SETD2: variants seen among roughly 807,000 people sequenced by gnomAD.
SETD2 encodes the protein SET domain containing 2, histone lysine methyltransferase, also known as histone-lysine N-methyltransferase SETD2.
SETD2 carries 31 observed loss-of-function variants against 242.1 expected under a neutral mutation model. The ratio of observed to expected loss-of-function variants is 0.13; its 90% confidence interval spans 0.10 to 0.17. SETD2 has a LOEUF of 0.17. Ranked by LOEUF, SETD2 falls within the 10% of genes least tolerant of loss-of-function variation. The pLI is 1.00. For synonymous variants in SETD2, 1,006 were observed against 1,066.5 expected (o/e 0.94, Z 1.11); for missense variants, 2,481 against 3,046.3 (o/e 0.81, Z 4.37).
chr3:47,155,795 GACCCTGTCTCAC>G (rs2044113051), intron 1 of SETD2, among the ~76,000 whole-genome samples: 2 of 152,152 alleles, frequency 1.3e-5, no homozygotes, highest in Non-Finnish European at 2.9e-5. Flanking sequence ...GACAGAGTGA[GACCCTGTCTCAC>G]ACACACATAA....
intron 18 of SETD2, chr3:47,028,953 G>T: frequency 5.0e-6 from 1 of 200,330 alleles, no homozygotes; most frequent in South Asian, 8.4e-5. Context: ...CATGAAGACA[G>T]CCAACACTTC....
chr3:47,125,693 G>C (rs2043304208), intron 2 of SETD2, among the ~76,000 whole-genome samples: 1 of 152,208 alleles, frequency 6.6e-6, no homozygotes, highest in Non-Finnish European at 1.5e-5. Context: ...ATAAGCAACA[G>C]TTACAAAGTA....
chr3:47,155,078 G>C (rs185254826), intron 1 of SETD2, among the ~76,000 whole-genome samples: 35 of 151,816 alleles, frequency 2.3e-4, no homozygotes, highest in Admixed American at 2.3e-3. Flanking sequence ...TAGTAATAAA[G>C]TACTTCCAAA....
At chr3:47,092,589 C>T in intron 9 of SETD2, among the ~76,000 whole-genome samples, 1 of 150,144 alleles carries the variant, frequency 6.7e-6, no homozygotes, top group East Asian at 1.9e-4. Flanking sequence ...CATATATATG[C>T]ACAATTCTAT....
At chr3:47,108,524 A>G (rs1382468153) in intron 5 of SETD2, among the ~76,000 whole-genome samples, 1 of 152,208 alleles carries the variant, frequency 6.6e-6, no homozygotes, top group African/African-American at 2.4e-5. Context: ...TTATATTATA[A>G]AGATGCTTTC....
Position 47,120,311 on chromosome 3 carries a change from G to A in SETD2, c.4325C>T (p.Ser1442Leu), listed in dbSNP as rs2043020411. 6.2e-7 allele frequency: 1 copy of A among 1,613,800 alleles called. No homozygotes were observed. Among genetic ancestry groups the A allele is most frequent in the African/African-American group, 1.3e-5 (1 of 74,884 alleles). The change falls in exon 3 of 21, where the codon TCA (serine) becomes TTA (leucine). Residue 1442 changes from serine (S) to leucine (L), a missense_variant. Physicochemically the swap from Ser to Leu is moderately radical, Grantham distance 145 (BLOSUM62 -2). Transcript: ENST00000409792. ...EQGETSVPPG[S>L]ALVGPSCVMD... Reference sequence around the variant, plus strand: ...GACACAGGAGGGCCCAACCAGTGCTGAACCTGGGGGCACTGATGTCTCTCC... The same window carrying A: ...GACACAGGAGGGCCCAACCAGTGCTAAACCTGGGGGCACTGATGTCTCTCC...
intron 19 of SETD2, among the ~76,000 whole-genome samples, chr3:47,019,228 A>G (rs2038112262): frequency 6.6e-6 from 1 of 152,254 alleles, no homozygotes; most frequent in African/African-American, 2.4e-5. Context: ...CTGGACTTTG[A>G]GCCAGAACGC....
At chr3:47,021,338 G>A (rs1329509749) in intron 18 of SETD2, among the ~76,000 whole-genome samples, 1 of 152,140 alleles carries the variant, frequency 6.6e-6, no homozygotes, top group East Asian at 1.9e-4. Context: ...TATAGAAGAG[G>A]CCATGCTCTC....
At chr3:47,132,824 G>A (rs181935457) in intron 1 of SETD2, among the ~76,000 whole-genome samples, 1 of 152,262 alleles carries the variant, frequency 6.6e-6, no homozygotes, top group East Asian at 1.9e-4. Context: ...AAAACTGTCA[G>A]ACATATAAGA....
intron 12 of SETD2, chr3:47,080,791 A>G: frequency 1.0e-6 from 1 of 985,992 alleles, no homozygotes; most frequent in Non-Finnish European, 1.2e-6. Flanking sequence ...GTATAGAAAA[A>G]GTAGCTCACT....
At chr3:47,022,801 T>G (rs1437059510) in intron 18 of SETD2, among the ~76,000 whole-genome samples, 1 of 152,178 alleles carries the variant, frequency 6.6e-6, no homozygotes, top group Admixed American at 6.5e-5. Flanking sequence ...ACATTTGGAT[T>G]CCTAGGAAAT....
At chr3:47,148,218 C>CAT in intron 1 of SETD2, among the ~76,000 whole-genome samples, 1 of 151,986 alleles carries the variant, frequency 6.6e-6, no homozygotes, top group Non-Finnish European at 1.5e-5. Flanking sequence ...GCAACCTCTG[C>CAT]CTCCTGGGTT....
intron 7 of SETD2, 41 bp from the exon 8 acceptor site, chr3:47,101,596 TAGTGTG>T (rs1559720564): frequency 3.0e-6 from 3 of 985,712 alleles, no homozygotes; most frequent in Non-Finnish European, 4.7e-6. Flanking sequence ...AGTAACTTAT[TAGTGTG>T]TGTGTGTGTG....
At chr3:47,022,795 T>C (rs1220339848) in intron 18 of SETD2, among the ~76,000 whole-genome samples, 2 of 152,298 alleles carry the variant, frequency 1.3e-5, no homozygotes, top group Middle Eastern at 3.4e-3. Flanking sequence ...TGTGGCACAT[T>C]TGGATTCCTA....
At chr3:47,025,787 T>C (rs1473394249) in intron 18 of SETD2, among the ~76,000 whole-genome samples, 1 of 152,236 alleles carries the variant, frequency 6.6e-6, no homozygotes, top group Admixed American at 6.5e-5. Context: ...TCTTCTACTA[T>C]AGCAATTACC....
intron 3 of SETD2, among the ~76,000 whole-genome samples, chr3:47,117,281 C>T (rs73831478): frequency 1.9e-5 from 1 of 53,600 alleles, no homozygotes; most frequent in Non-Finnish European, 3.7e-5. Flanking sequence ...AAAAAAAAAA[C>T]AAACAAAAAA....
At chr3:47,051,371 C>T (rs2039837474) in intron 15 of SETD2, among the ~76,000 whole-genome samples, 1 of 152,146 alleles carries the variant, frequency 6.6e-6, no homozygotes, top group Admixed American at 6.6e-5. Context: ...TCCCAAAGTG[C>T]TTAGATTACA....
At chr3:47,119,835 C>T in intron 3 of SETD2, 1 of 474,556 alleles carries the variant, frequency 2.1e-6, no homozygotes, top group South Asian at 1.6e-5. Context: ...TCTCTAAGTA[C>T]AGATTATTTT....
chr3:47,067,406 C>CTTTT (rs548953692), intron 12 of SETD2, among the ~76,000 whole-genome samples: 8 of 83,906 alleles, frequency 9.5e-5, no homozygotes, highest in Admixed American at 1.3e-4. Flanking sequence ...TCCTGAGCAT[C>CTTTT]TTTTTTTTTT....
Sources: allele counts gnomAD v4.1 joint callset (sites outside exome capture counted in the v4.1 genomes callset), GRCh38; gene constraint gnomAD v4.1.1; transcripts MANE v1.5; gene names NCBI Gene and HGNC (gene_info 2026-07-23, HGNC 2026-07-21).